CCDC88C: variants seen among roughly 807,000 people sequenced by gnomAD.
CCDC88C encodes coiled-coil and HOOK domain protein 88C, also known as protein Daple.
In CCDC88C, 131 loss-of-function variants were observed where a neutral mutation model predicts 198.8. The observed-to-expected ratio is 0.66, with a 90% confidence interval of 0.57 to 0.76. CCDC88C has a LOEUF of 0.76. Ranked by LOEUF, CCDC88C falls within the 30% of genes least tolerant of loss-of-function variation. CCDC88C has a pLI of 0.00. For synonymous variants in CCDC88C, 1,166 were observed against 1,114.7 expected (o/e 1.05, Z -0.92); for missense variants, 2,553 against 2,631.6 (o/e 0.97, Z 0.65).
At chr14:91,280,474 C>A (rs986050464) in intron 27 of CCDC88C, among the ~76,000 whole-genome samples, 5 of 152,140 alleles carry the variant, frequency 3.3e-5, no homozygotes, top group African/African-American at 1.2e-4. Context: ...GTGAAATAAA[C>A]AAATGCACAT....
At chr14:91,382,823 A>T (rs1441516309) in intron 3 of CCDC88C, among the ~76,000 whole-genome samples, 3 of 152,206 alleles carry the variant, frequency 2.0e-5, no homozygotes, top group Non-Finnish European at 4.4e-5. Context: ...TATCTCCTGC[A>T]ATATAAAGAC....
intron 12 of CCDC88C, among the ~76,000 whole-genome samples, chr14:91,322,296 T>C (rs1309564814): frequency 6.6e-6 from 1 of 152,064 alleles, no homozygotes; most frequent in Non-Finnish European, 1.5e-5. Flanking sequence ...ATTCCCCGGG[T>C]GATCATAAAG....
intron 21 of CCDC88C, among the ~76,000 whole-genome samples, chr14:91,298,745 T>C (rs1891138307): frequency 6.6e-6 from 1 of 152,198 alleles, no homozygotes; most frequent in Non-Finnish European, 1.5e-5. Context: ...TGTCTGGTAC[T>C]GTTTCACCCA....
Position 91,347,370 on chromosome 14 carries a change from G to T in CCDC88C, c.341-3713C>A, listed in dbSNP as rs143890403. 1.2e-3 allele frequency among the ~76,000 whole-genome samples: 185 copies of T among 152,320 alleles called. No individual in the cohort carries two copies. The Middle Eastern group carries it at 0.014, about 11-fold the overall frequency. Reference sequence around the variant, plus strand: ...ACAGCAAATTAAAAGGGAGGAAAGTGCTAGAGAGGCTCACTGATGGTGTTC... The same window carrying T: ...ACAGCAAATTAAAAGGGAGGAAAGTTCTAGAGAGGCTCACTGATGGTGTTC... On this transcript the variant is annotated intron_variant, in intron 4 of 29. Coordinates refer to ENST00000389857, the MANE Select transcript of CCDC88C (RefSeq NM_001080414.4).
At chr14:91,283,594 A>AAGCAGGGC (rs903511128) in intron 25 of CCDC88C, 77 bp from the exon 26 acceptor site, 93 of 1,398,548 alleles carry the variant, frequency 6.6e-5, no homozygotes, top group Non-Finnish European at 8.7e-5. Context: ...CATGGCCTAG[A>AAGCAGGGC]AGCAGGGCAG....
In CCDC88C at chr14:91,339,971, G is replaced by T. The variant is rs756135471; in HGVS notation, c.537C>A (p.Asp179Glu). 6.2e-7 allele frequency: 1 copy of T among 1,604,028 alleles called. No individual in the cohort carries two copies. The highest frequency in any genetic ancestry group is 8.5e-7 in the Non-Finnish European group (1 of 1,176,310). ...GGGCCTCCAGCTCCTCCGGAGCCAC[G>T]TCGGGCAGCTCCAGCCACTGCAGGT... ...VFDLQWLELP[D>E]VAPEELEALS... The change falls in exon 7 of 30, where the codon GAC becomes GAA. Residue 179 changes from aspartate to glutamate, a missense_variant. By Grantham distance (45) the Asp-to-Glu change is conservative. Coordinates refer to ENST00000389857, the MANE Select transcript of CCDC88C (RefSeq NM_001080414.4). This position sits in a 1 kb window ranked among gnomAD's most constrained non-coding sequence, Gnocchi z 5.8.
Position 91,274,695 on chromosome 14 carries a change from T to TC in CCDC88C, c.5059-1043dup, listed in dbSNP as rs112629573. 2.3e-3 allele frequency among the ~76,000 whole-genome samples: 354 copies of TC among 152,320 alleles called. 2 individuals carry two copies. Among genetic ancestry groups the TC allele is most frequent in the African/African-American group, 8.3e-3 (344 of 41,564 alleles). ...TGGGCGTCCAGTAAGACCCGTGATA[T>TC]CACAGGTACCTTTCATCACCTGTGG... On this transcript the variant is annotated intron_variant, in intron 29 of 29. Coordinates refer to ENST00000389857, the MANE Select transcript of CCDC88C (RefSeq NM_001080414.4).
intron 4 of CCDC88C, among the ~76,000 whole-genome samples, chr14:91,345,262 G>T (rs1596094750): frequency 8.8e-6 from 1 of 113,482 alleles, no homozygotes; most frequent in African/African-American, 3.5e-5. Flanking sequence ...GCACAATTTT[G>T]GCTCACTTCC....
rs548514293 is a variant in CCDC88C at position 91,401,219 on chromosome 14, A to G, written c.270+7440T>C. Among the ~76,000 whole-genome samples the G allele has an allele frequency of 1.4e-4, 16 of 113,494 alleles. No individual in the cohort carries two copies. In the East Asian group the frequency reaches 3.6e-3, roughly 25 times the overall value. 74.5% of individuals were successfully genotyped at this position (113,494 alleles called of 152,430 possible). Reference sequence around the variant, plus strand: ...AGTTTCTTTCTACTTCCTAATCCATAGTAAGAATATATATATTTATATATT... The same window carrying G: ...AGTTTCTTTCTACTTCCTAATCCATGGTAAGAATATATATATTTATATATT... On this transcript the variant is annotated intron_variant, in intron 3 of 29. Coordinates refer to ENST00000389857, the MANE Select transcript of CCDC88C (RefSeq NM_001080414.4).
chr14:91,285,875 A>T (rs1262122874), intron 25 of CCDC88C: 1 of 1,137,950 alleles, frequency 8.8e-7, no homozygotes, highest in Non-Finnish European at 1.2e-6. Flanking sequence ...AGGAGGAAGG[A>T]AAAAGAAAAC....
At chr14:91,333,822 C>T (rs1194121934) in intron 10 of CCDC88C, among the ~76,000 whole-genome samples, 1 of 152,158 alleles carries the variant, frequency 6.6e-6, no homozygotes, top group African/African-American at 2.4e-5. Flanking sequence ...TATAGGTAGA[C>T]ACAGACCGCA....
chr14:91,277,620 C>T (rs1338927336), intron 29 of CCDC88C, among the ~76,000 whole-genome samples: 1 of 152,186 alleles, frequency 6.6e-6, no homozygotes, highest in Non-Finnish European at 1.5e-5. Context: ...AGAGCTCTGC[C>T]GTGAAACCCA....
chr14:91,281,154 C>T, intron 27 of CCDC88C: 1 of 552,390 alleles, frequency 1.8e-6, no homozygotes, highest in South Asian at 1.5e-5. Flanking sequence ...GAAATGAACG[C>T]TCCCCACCTG....
At chr14:91,379,075 AC>A (rs1470678886) in intron 3 of CCDC88C, 1 of 152,270 alleles carries the variant, frequency 6.6e-6, no homozygotes, top group African/African-American at 2.4e-5. Context: ...CAAAGTCAGC[AC>A]AGCAATTTGC....
At chr14:91,340,572 G>A (rs925403614) in intron 6 of CCDC88C, among the ~76,000 whole-genome samples, 5 of 152,066 alleles carry the variant, frequency 3.3e-5, no homozygotes, top group Non-Finnish European at 5.9e-5. Context: ...GCCAGGGAAC[G>A]GAGATACACA....
In CCDC88C at chr14:91,407,023, T is replaced by A. The variant is rs543617973; in HGVS notation, c.270+1636A>T. On this transcript the variant is annotated intron_variant, in intron 3 of 29. Transcript: ENST00000389857. ...AGAGCCCATAGTGCCCCTCTCCCAA[T>A]GGTCTCTGGACTGAGCACAGATGGC... is the stretch of plus-strand genomic sequence containing the variant. Among the ~76,000 whole-genome samples the A allele has an allele frequency of 5.9e-5, 9 of 152,220 alleles. No individual in the cohort carries two copies. The East Asian group carries it at 1.5e-3, about 26-fold the overall frequency.
chr14:91,277,681 C>CG (rs1353390385), intron 29 of CCDC88C, among the ~76,000 whole-genome samples: 1 of 152,206 alleles, frequency 6.6e-6, no homozygotes, highest in Non-Finnish European at 1.5e-5. Context: ...ACCCTTGGTG[C>CG]GGGCCACAAG....
At position 91,289,097 on chromosome 14, in the gene CCDC88C, G is replaced by A. The variant is rs767367406; in HGVS notation, c.4441+8C>T. On this transcript the variant is annotated splice_region_variant and intron_variant, in intron 25 of 29. Transcript: ENST00000389857. Reference sequence around the variant, plus strand: ...TCACCCGACCACGGCCAGGACGGCCGCCCCTACCTTTCCCCACAGACCCGT... The same window carrying A: ...TCACCCGACCACGGCCAGGACGGCCACCCCTACCTTTCCCCACAGACCCGT... 9 of 1,608,334 alleles carry A rather than the reference G, an allele frequency of 5.6e-6. No homozygotes were observed. The highest frequency in any genetic ancestry group is 4.5e-5 in the East Asian group (2 of 44,840).
chr14:91,372,682 G>A (rs184564415), intron 3 of CCDC88C, among the ~76,000 whole-genome samples: 8 of 152,226 alleles, frequency 5.3e-5, no homozygotes, highest in Middle Eastern at 3.4e-3. Context: ...CAGAACCACC[G>A]TTCAGGGAGT....
Sources: allele counts gnomAD v4.1 joint callset (sites outside exome capture counted in the v4.1 genomes callset), GRCh38; gene constraint gnomAD v4.1.1; non-coding constraint Gnocchi (gnomAD v3.1); transcripts MANE v1.5; gene names NCBI Gene and HGNC (gene_info 2026-07-23, HGNC 2026-07-21).